WDTC1: variants seen among roughly 807,000 people sequenced by gnomAD.
WDTC1 encodes WD and tetratricopeptide repeats protein 1.
A neutral mutation model predicts 76.0 loss-of-function variants in WDTC1; 12 were observed. That is an observed-to-expected ratio of 0.16 (90% CI 0.10 to 0.26). The LOEUF is 0.26. WDTC1 is among the 10% of genes least tolerant of loss of function. The probability of loss-of-function intolerance (pLI) is 1.00; values close to 1 mark genes in which losing one functional copy is unlikely to be tolerated. For synonymous variants in WDTC1, 326 were observed against 350.8 expected (o/e 0.93, Z 0.79); for missense variants, 511 against 908.8 (o/e 0.56, Z 5.63).
chr1:27,292,162 C>A, intron 6 of WDTC1, 53 bp from the exon 7 acceptor site: 1 of 1,428,038 alleles, frequency 7.0e-7, no homozygotes, highest in South Asian at 1.5e-5. Flanking sequence ...TTTCCCCTGC[C>A]TTCCTCTCAA....
intron 1 of WDTC1, among the ~76,000 whole-genome samples, chr1:27,238,160 G>A (rs952169209): frequency 6.6e-6 from 1 of 152,152 alleles, no homozygotes; most frequent in African/African-American, 2.4e-5. Context: ...GGAAGGACTG[G>A]AATTCAAACC....
At chr1:27,296,196 T>A (rs2013678062) in intron 9 of WDTC1, 130 bp from the exon 10 acceptor site, 3 of 1,102,672 alleles carry the variant, frequency 2.7e-6, no homozygotes, top group Non-Finnish European at 4.1e-6. Context: ...TAGGATAGCT[T>A]GATTGTTCTA....
At chr1:27,264,693 G>A (rs541760189) in intron 3 of WDTC1, among the ~76,000 whole-genome samples, 2 of 152,034 alleles carry the variant, frequency 1.3e-5, no homozygotes, top group Admixed American at 1.3e-4. Context: ...TTGCTGTGTT[G>A]CCCAAGCTGA....
chr1:27,250,595 G>A (rs1036084075), intron 1 of WDTC1, among the ~76,000 whole-genome samples: 1 of 152,170 alleles, frequency 6.6e-6, no homozygotes, highest in Non-Finnish European at 1.5e-5. Flanking sequence ...GGTACACTGA[G>A]GGGGAAGCTG....
intron 1 of WDTC1, among the ~76,000 whole-genome samples, chr1:27,253,551 T>A (rs1262217358): frequency 1.3e-5 from 2 of 150,624 alleles, no homozygotes; most frequent in Non-Finnish European, 3.0e-5. Context: ...CTTGCTGTGT[T>A]GTTCAGGCTG....
intron 3 of WDTC1, among the ~76,000 whole-genome samples, chr1:27,275,596 C>T (rs1237897871): frequency 4.1e-5 from 6 of 146,930 alleles, no homozygotes; most frequent in African/African-American, 7.6e-5. Flanking sequence ...CTAACCTGGG[C>T]GACAGAGTGA....
At chr1:27,287,162 C>CAA (rs879373974) in intron 5 of WDTC1, among the ~76,000 whole-genome samples, 1 of 125,326 alleles carries the variant, frequency 8.0e-6, no homozygotes, top group Non-Finnish European at 1.7e-5. Flanking sequence ...GACGCTGTCT[C>CAA]AAAAAAAAAA....
At chr1:27,252,208 A>C (rs536341031) in intron 1 of WDTC1, among the ~76,000 whole-genome samples, 1 of 151,942 alleles carries the variant, frequency 6.6e-6, no homozygotes, top group South Asian at 2.1e-4. Flanking sequence ...TTAGCTGGGC[A>C]TGGTGGCACA....
intron 4 of WDTC1, 27 bp downstream of exon 4, chr1:27,282,312 G>T (rs773627075): frequency 1.2e-6 from 2 of 1,612,462 alleles, no homozygotes; most frequent in Non-Finnish European, 1.7e-6. Context: ...GCACCTGAAG[G>T]GTGCTGGGGA....
chr1:27,267,588 G>A (rs1334865246), intron 3 of WDTC1, among the ~76,000 whole-genome samples: 2 of 152,008 alleles, frequency 1.3e-5, no homozygotes, highest in Admixed American at 6.6e-5. Context: ...ATCCAGTTAC[G>A]TGGAATTGAC....
intron 3 of WDTC1, among the ~76,000 whole-genome samples, chr1:27,270,522 G>A (rs1276181245): frequency 6.6e-6 from 1 of 152,038 alleles, no homozygotes; most frequent in African/African-American, 2.4e-5. Context: ...GTGAAACCCT[G>A]TCTCTACTAA....
chr1:27,284,473 T>A (rs2013274283), intron 5 of WDTC1, among the ~76,000 whole-genome samples: 1 of 152,220 alleles, frequency 6.6e-6, no homozygotes, highest in Non-Finnish European at 1.5e-5. Context: ...ACCTACTTGT[T>A]TTCCTAAACC....
intron 1 of WDTC1, among the ~76,000 whole-genome samples, chr1:27,252,486 A>C (rs926651197): frequency 1.3e-5 from 2 of 152,166 alleles, no homozygotes; most frequent in Non-Finnish European, 2.9e-5. Flanking sequence ...GTATATTGTT[A>C]ACTGTGCTCT....
chr1:27,266,369 G>C (rs901278879), intron 3 of WDTC1, among the ~76,000 whole-genome samples: 1 of 152,126 alleles, frequency 6.6e-6, no homozygotes, highest in Non-Finnish European at 1.5e-5. Flanking sequence ...TTTGGAGTTG[G>C]AGGGAATACT....
chr1:27,250,752 C>G (rs1303550602), intron 1 of WDTC1, among the ~76,000 whole-genome samples: 1 of 152,004 alleles, frequency 6.6e-6, no homozygotes, highest in East Asian at 1.9e-4. Flanking sequence ...GATGAGTGAT[C>G]TTCACAAATG....
chr1:27,284,103 T>A (rs1336170524), intron 5 of WDTC1, among the ~76,000 whole-genome samples: 1 of 152,148 alleles, frequency 6.6e-6, no homozygotes, highest in Non-Finnish European at 1.5e-5. Context: ...GAGACATGTT[T>A]TTTTGTTGTG....
At position 27,297,075 on chromosome 1, in the gene WDTC1, A is replaced by G; in HGVS notation, c.977A>G (p.Asn326Ser). 1.9e-6 allele frequency: 3 copies of G among 1,613,940 alleles called. No individual in the cohort carries two copies. The highest frequency in any genetic ancestry group is 2.5e-6 in the Non-Finnish European group (3 of 1,179,914). Residue 326 changes from asparagine to serine, a missense_variant, in exon 11 of 16, where the codon AAC becomes AGC. By Grantham distance (46) the Asn-to-Ser change is conservative. Transcript: ENST00000319394. ...GTCCAGAATGGCAAGATGTCCACCA[A>G]CGGTGTGTCCAACGGTGTGTCCAAT... ...GEVQNGKMST[N>S]GVSNGVSNGL...
intron 1 of WDTC1, among the ~76,000 whole-genome samples, chr1:27,258,935 C>T (rs182248723): frequency 6.8e-4 from 103 of 152,192 alleles, no homozygotes; most frequent in African/African-American, 2.2e-3. Flanking sequence ...CACAAAGGGC[C>T]ATCATTGGGA....
At chr1:27,302,902 T>C (rs1440157634) in intron 13 of WDTC1, among the ~76,000 whole-genome samples, 1 of 152,162 alleles carries the variant, frequency 6.6e-6, no homozygotes, top group Non-Finnish European at 1.5e-5. Context: ...GTGACTCTCA[T>C]TTGGGACCCT....
Sources: gnomAD v4.1 joint callset for allele counts (sites outside exome capture counted in the v4.1 genomes callset) on GRCh38, gnomAD v4.1.1 for gene constraint, MANE v1.5 for transcripts, NCBI Gene and HGNC (gene_info 2026-07-23, HGNC 2026-07-21) for gene names.